DMXL1: variants seen among roughly 807,000 people sequenced by gnomAD.
The protein encoded by DMXL1 is dmX-like protein 1.
A neutral mutation model predicts 319.2 loss-of-function variants in DMXL1; 99 were observed. The ratio of observed to expected loss-of-function variants is 0.31; its 90% CI spans 0.26 to 0.37. The LOEUF (loss-of-function observed/expected upper bound fraction) is 0.37. DMXL1 is among the 10% of genes least tolerant of loss of function. The pLI is 1.00. For synonymous variants in DMXL1, 1,385 were observed against 1,235.2 expected (o/e 1.12, Z -2.54); for missense variants, 3,745 against 3,595.6 (o/e 1.04, Z -1.06).
chr5:119,234,716 G>C (rs1366888380), intron 39 of DMXL1, among the ~76,000 whole-genome samples: 1 of 152,088 alleles, frequency 6.6e-6, no homozygotes, highest in East Asian at 1.9e-4. Flanking sequence ...TGGGTTGTCA[G>C]TTTTATATTG....
In DMXL1 at chr5:119,220,524, A is replaced by T. The variant is rs1292807359; in HGVS notation, c.8066A>T (p.Asp2689Val). 2 of 1,613,716 alleles carry T rather than the reference A, an allele frequency of 1.2e-6. No individual in the cohort carries two copies. Among genetic ancestry groups the T allele is most frequent in the East Asian group, 4.5e-5 (2 of 44,818 alleles). Reference sequence around the variant, plus strand: ...TCCAGTCATGATGTTCAAGAACTGGATGTTTCTGGAATTCTGGCCACACAG... The same window carrying T: ...TCCAGTCATGATGTTCAAGAACTGGTTGTTTCTGGAATTCTGGCCACACAG... ...IASSHDVQEL[D>V]VSGILATQVY... Residue 2689 changes from aspartate (D) to valine (V), a missense_variant, in exon 36 of 44, where the codon GAT (aspartate) becomes GTT (valine). By Grantham distance (152) the Asp-to-Val change is radical. Coordinates refer to ENST00000539542, the MANE Select transcript of DMXL1 (RefSeq NM_001290321.3).
chr5:119,100,727 C>A (rs1363279215), intron 2 of DMXL1: 1 of 150,028 alleles, frequency 6.7e-6, no homozygotes, highest in Non-Finnish European at 1.5e-5. Context: ...TGGTCATTCA[C>A]CTCTAAACAT....
At chr5:119,178,666 T>G (rs1776267924) in intron 28 of DMXL1, 2 of 985,228 alleles carry the variant, frequency 2.0e-6, no homozygotes. Flanking sequence ...CCATCAGTTC[T>G]CATAGCCCTC....
At chr5:119,134,957 A>T (rs187491324) in intron 13 of DMXL1, among the ~76,000 whole-genome samples, 2 of 152,366 alleles carry the variant, frequency 1.3e-5, no homozygotes, top group African/African-American at 4.8e-5. Flanking sequence ...CCCCAGAGGC[A>T]GCCTTCGGCT....
chr5:119,147,192 G>T (rs977147172), intron 16 of DMXL1, 57 bp from the exon 17 acceptor site: 2 of 1,426,014 alleles, frequency 1.4e-6, no homozygotes, highest in East Asian at 4.6e-5. Flanking sequence ...TGTAACAATC[G>T]TAATATTTAT....
intron 4 of DMXL1, among the ~76,000 whole-genome samples, chr5:119,105,910 AAGG>A (rs1244227959): frequency 2.3e-4 from 31 of 134,432 alleles, no homozygotes; most frequent in East Asian, 1.9e-3. Flanking sequence ...AAAAAAAAAA[AAGG>A]AAGAAAATAT....
intron 37 of DMXL1, among the ~76,000 whole-genome samples, chr5:119,223,759 C>T (rs933593590): frequency 5.9e-5 from 9 of 151,566 alleles, no homozygotes; most frequent in Admixed American, 3.9e-4. Context: ...ATTTTTTTTA[C>T]GTATGGTTCT....
In DMXL1 at chr5:119,244,537, A is replaced by G. The variant is rs757162285; in HGVS notation, c.8883A>G (p.Glu2961=). 7 of 1,614,082 alleles carry G rather than the reference A, an allele frequency of 4.3e-6. No individual in the cohort carries two copies. In the East Asian group the frequency reaches 1.3e-4, roughly 31 times the overall value. Residue 2961 remains glutamate, a synonymous_variant, in exon 43 of 44, where the codon GAA becomes GAG. Transcript: ENST00000539542. ...AAGCCGTTGCTGTTGATCCAACTGA[A>G]GAGTACTTTGTTACAGGATCTGCCG... ...PVKAVAVDPT[E]EYFVTGSAEG... is the part of the protein sequence containing the mutation.
chr5:119,192,326 C>T (rs1290077076), intron 29 of DMXL1, among the ~76,000 whole-genome samples: 2 of 152,100 alleles, frequency 1.3e-5, no homozygotes, highest in Non-Finnish European at 2.9e-5. Context: ...TCTACTCTCC[C>T]CTGTGTTTTC....
intron 13 of DMXL1, among the ~76,000 whole-genome samples, chr5:119,142,253 A>G (rs1359437211): frequency 4.6e-5 from 7 of 151,642 alleles, no homozygotes. Flanking sequence ...GAGTAAATAG[A>G]CAACCTACAG....
intron 38 of DMXL1, among the ~76,000 whole-genome samples, 160 bp from the exon 39 acceptor site, chr5:119,233,180 T>A (rs1156400706): frequency 6.6e-6 from 1 of 152,196 alleles, no homozygotes; most frequent in Non-Finnish European, 1.5e-5. Flanking sequence ...TATAACTATT[T>A]TTATGATGAA....
intron 34 of DMXL1, among the ~76,000 whole-genome samples, chr5:119,213,487 C>T (rs997461986): frequency 6.6e-6 from 1 of 152,214 alleles, no homozygotes; most frequent in African/African-American, 2.4e-5. Flanking sequence ...AAATTATTCT[C>T]ATTAGCATGA....
chr5:119,131,170 T>A (rs1764803000), intron 10 of DMXL1, among the ~76,000 whole-genome samples: 1 of 151,510 alleles, frequency 6.6e-6, no homozygotes. Context: ...TTTTTTTTCT[T>A]ATTGATTTGT....
At chr5:119,235,884 T>A (rs1245218376) in intron 39 of DMXL1, among the ~76,000 whole-genome samples, 1 of 152,086 alleles carries the variant, frequency 6.6e-6, no homozygotes, top group East Asian at 1.9e-4. Flanking sequence ...TAAACATATT[T>A]TTAGGTATAC....
chr5:119,233,726 T>G (rs576113433), intron 39 of DMXL1, among the ~76,000 whole-genome samples: 2 of 152,282 alleles, frequency 1.3e-5, no homozygotes, highest in East Asian at 3.9e-4. Context: ...TTACACACTT[T>G]TTATTATTAA....
intron 9 of DMXL1, among the ~76,000 whole-genome samples, chr5:119,128,996 T>G (rs1289676647): frequency 2.0e-5 from 3 of 151,782 alleles, no homozygotes; most frequent in Admixed American, 6.6e-5. Context: ...CCAGGGAGTT[T>G]GCAGTAAGCC....
intron 34 of DMXL1, among the ~76,000 whole-genome samples, chr5:119,207,285 A>T (rs1426906629): frequency 2.0e-5 from 3 of 152,162 alleles, no homozygotes; most frequent in Non-Finnish European, 2.9e-5. Flanking sequence ...TAATGATATT[A>T]AAATTAATGA....
chr5:119,237,113 ATGTT>A (rs1157228685), intron 39 of DMXL1: 5 of 315,444 alleles, frequency 1.6e-5, no homozygotes, highest in Non-Finnish European at 2.9e-5. Flanking sequence ...TGGGTGTCTG[ATGTT>A]TGTTCTCTTT....
In DMXL1 at chr5:119,170,986, A is replaced by G. The variant is rs1301948623; in HGVS notation, c.6195A>G (p.Lys2065=). The G allele has an allele frequency of 2.5e-6, 4 of 1,613,944 alleles. No individual in the cohort carries two copies. The highest frequency in any genetic ancestry group is 8.5e-7 in the Non-Finnish European group (1 of 1,179,916). Residue 2065 remains lysine, a synonymous_variant, in exon 24 of 44, where the codon AAA becomes AAG. Coordinates refer to ENST00000539542, the MANE Select transcript of DMXL1 (RefSeq NM_001290321.3). ...LRYQLYHWLE[K]EVIALQRTCD... is the part of the protein sequence containing the mutation. ...ACCAACTATACCACTGGCTTGAAAA[A>G]GAGGTGATAGCTCTTCAGAGGACTT...
Sources: allele counts gnomAD v4.1 joint callset (sites outside exome capture counted in the v4.1 genomes callset), GRCh38; gene constraint gnomAD v4.1.1; transcripts MANE v1.5; gene names NCBI Gene and HGNC (gene_info 2026-07-23, HGNC 2026-07-21).